The following WASHC4 variants were observed in gnomAD, a reference collection of about 807,000 sequenced individuals.
WASHC4 encodes WASH complex subunit 4, also known as WASH complex subunit 7.
WASHC4 carries 86 observed loss-of-function variants against 166.6 expected under a neutral mutation model. The ratio of observed to expected loss-of-function variants is 0.52; its 90% confidence interval spans 0.43 to 0.62. The LOEUF is 0.62. Ranked by LOEUF, WASHC4 falls within the 20% of genes least tolerant of loss-of-function variation. The pLI, the probability that WASHC4 is intolerant of heterozygous loss-of-function variation, is 0.00. For missense variants in WASHC4, 1,262 were observed against 1,382.4 expected, an observed-to-expected ratio of 0.91 and a Z score of 1.38; for synonymous variants, 446 against 451.6, an observed-to-expected ratio of 0.99 and a Z score of 0.16.
intron 1 of WASHC4, 110 bp downstream of exon 1, chr12:105,107,971 G>A (rs775255592): frequency 3.6e-6 from 3 of 833,274 alleles, no homozygotes; most frequent in African/African-American, 3.4e-5. Flanking sequence ...CGTCTGGTGC[G>A]GGACACTTCA....
Position 105,167,280 on chromosome 12 carries a change from T to C in WASHC4, c.*349T>C, listed in dbSNP as rs555824460. The C allele has an allele frequency of 3.2e-4, 79 of 247,756 alleles. No homozygotes were observed. The South Asian group carries it at 4.3e-3, about 13-fold the overall frequency. 15.3% of individuals were successfully genotyped at this position (247,756 alleles called of 1,614,324 possible). On this transcript the variant is annotated 3_prime_UTR_variant, in exon 33 of 33. Coordinates refer to ENST00000332180, the MANE Select transcript of WASHC4 (RefSeq NM_015275.3). The stretch of plus-strand genomic sequence containing the variant: ...AATTTGTATTTGCATAGATCTTTGA[T>C]CTATAGTTATTTCAAGTCATGGGAA...
chr12:105,127,172 A>G lies in WASHC4; in HGVS notation c.1082A>G (p.Asp361Gly). ...TLTANIIWFP[D>G]NFLIQKIPAA... ...ACTGCTAATATTATTTGGTTTCCTG[A>G]TAATTTTCTGATCCAGAAAATACCA... Residue 361 changes from aspartate (D) to glycine (G), a missense_variant, in exon 13 of 33, where the codon GAT (aspartate) becomes GGT (glycine). Transcript: ENST00000332180. The G allele has an allele frequency of 6.2e-7, 1 of 1,613,208 alleles. No individual in the cohort carries two copies. Among genetic ancestry groups the G allele is most frequent in the South Asian group, 1.1e-5 (1 of 91,050 alleles).
At chr12:105,146,568 A>C in intron 23 of WASHC4, 42 bp downstream of exon 23, 2 of 1,078,728 alleles carry the variant, frequency 1.9e-6, no homozygotes, top group Non-Finnish European at 2.9e-6. Flanking sequence ...ATGTAGGTGG[A>C]GATAGTTGGA....
chr12:105,109,669 T>TTTTTTTTTC (rs1416228518), intron 1 of WASHC4, among the ~76,000 whole-genome samples: 1 of 149,758 alleles, frequency 6.7e-6, no homozygotes. Flanking sequence ...TTTTTTTTTT[T>TTTTTTTTTC]TCGAGACAAG....
At chr12:105,148,277 A>C in intron 24 of WASHC4, 4 of 985,404 alleles carry the variant, frequency 4.1e-6, no homozygotes, top group Non-Finnish European at 4.8e-6. Context: ...TGTAATGATC[A>C]TGTTTGTACC....
chr12:105,141,135 A>T (rs371173031), intron 17 of WASHC4, 32 bp from the exon 18 acceptor site: 11 of 1,609,926 alleles, frequency 6.8e-6, no homozygotes, highest in Non-Finnish European at 9.4e-6. Flanking sequence ...TTTGACTGCA[A>T]CTTCTCTGCC....
intron 1 of WASHC4, among the ~76,000 whole-genome samples, chr12:105,109,710 C>G (rs189118664): frequency 8.9e-4 from 126 of 141,678 alleles, no homozygotes; most frequent in African/African-American, 3.2e-3. Flanking sequence ...GCCGTGGCAT[C>G]GCCACGGCTC....
rs551101664 is a variant in WASHC4, at chr12:105,163,208, G to A, written c.3157+363G>A. ...CTCCTGACCTCGTGATCTGCCCGCCGCAGCCTCCCAAAGTGCTGGGATTAC... is the reference window on the plus strand; with the variant it reads ...CTCCTGACCTCGTGATCTGCCCGCCACAGCCTCCCAAAGTGCTGGGATTAC... On this transcript the variant is annotated intron_variant, in intron 30 of 32. Coordinates refer to ENST00000332180, the MANE Select transcript of WASHC4 (RefSeq NM_015275.3). 3.4e-4 allele frequency among the ~76,000 whole-genome samples: 51 copies of A among 152,054 alleles called. 1 individual carries two copies. The highest frequency in any genetic ancestry group is 8.2e-4 in the African/African-American group (34 of 41,514).
chr12:105,156,575 C>A, intron 26 of WASHC4, 151 bp from the exon 27 acceptor site: 1 of 537,660 alleles, frequency 1.9e-6, no homozygotes, highest in South Asian at 2.6e-5. Flanking sequence ...AACAGTTTTA[C>A]TTTTTATGAT....
At chr12:105,151,145 C>CAAAAAAAAAAAAAAAAAAA in intron 25 of WASHC4, among the ~76,000 whole-genome samples, 1 of 60,990 alleles carries the variant, frequency 1.6e-5, no homozygotes, top group Non-Finnish European at 2.9e-5. Flanking sequence ...GACTCTGTCT[C>CAAAAAAAAAAAAAAAAAAA]AAAAAAAAAA....
intron 6 of WASHC4, among the ~76,000 whole-genome samples, chr12:105,117,489 T>C (rs1880296607): frequency 6.6e-6 from 1 of 152,316 alleles, no homozygotes; most frequent in South Asian, 2.1e-4. Flanking sequence ...TGTCCTACAT[T>C]TTCTCTGCTT....
intron 28 of WASHC4, among the ~76,000 whole-genome samples, chr12:105,157,692 C>T (rs540291924): frequency 6.1e-4 from 93 of 152,308 alleles, no homozygotes; most frequent in Non-Finnish European, 1.1e-3. Context: ...TAAAATATTT[C>T]TCTTCACCAA....
chr12:105,134,562 C>T (rs1303043520), intron 14 of WASHC4, among the ~76,000 whole-genome samples: 1 of 152,034 alleles, frequency 6.6e-6, no homozygotes, highest in Non-Finnish European at 1.5e-5. Context: ...GTAAATTAGA[C>T]CTTTTCTTGT....
chr12:105,160,299 A>G (rs1471295664), intron 29 of WASHC4, 151 bp downstream of exon 29: 1 of 722,856 alleles, frequency 1.4e-6, no homozygotes, highest in Non-Finnish European at 2.3e-6. Flanking sequence ...TGAATGTGAC[A>G]TAGAATTTTT....
At chr12:105,144,972 T>C in intron 22 of WASHC4, 100 bp downstream of exon 22, 2 of 1,171,854 alleles carry the variant, frequency 1.7e-6, no homozygotes. Context: ...AGTATGTGCT[T>C]ATTTTTTAAG....
intron 14 of WASHC4, among the ~76,000 whole-genome samples, chr12:105,135,168 T>C (rs1158954065): frequency 6.6e-6 from 1 of 152,046 alleles, no homozygotes; most frequent in East Asian, 1.9e-4. Context: ...TCACAAGGCA[T>C]TATTATCGCT....
chr12:105,158,428 T>A (rs1046029236), intron 28 of WASHC4, among the ~76,000 whole-genome samples: 3 of 152,210 alleles, frequency 2.0e-5, no homozygotes, highest in Non-Finnish European at 4.4e-5. Flanking sequence ...TGCAATGTAA[T>A]GTCAAGTACC....
intron 7 of WASHC4, 54 bp from the exon 8 acceptor site, chr12:105,120,501 A>G: frequency 9.6e-7 from 1 of 1,045,672 alleles, no homozygotes; most frequent in Non-Finnish European, 1.5e-6. Context: ...TGAAATAAGA[A>G]TAAACTATGA....
intron 27 of WASHC4, 75 bp from the exon 28 acceptor site, chr12:105,157,161 G>A: frequency 1.3e-6 from 1 of 786,802 alleles, no homozygotes; most frequent in South Asian, 1.4e-5. Flanking sequence ...GAGTCCTGCA[G>A]TACCACTTTT....
Sources: allele counts gnomAD v4.1 joint callset (sites outside exome capture counted in the v4.1 genomes callset), GRCh38; gene constraint gnomAD v4.1.1; transcripts MANE v1.5; gene names NCBI Gene and HGNC (gene_info 2026-07-23, HGNC 2026-07-21).